The following UGT1A7 variants were observed in gnomAD, a reference collection of about 807,000 sequenced individuals.
UGT1A7 encodes the protein UDP glucuronosyltransferase family 1 member A7.
In UGT1A7, 33 loss-of-function variants were observed where a neutral mutation model predicts 45.6. That is an observed-to-expected ratio of 0.72 (90% CI 0.55 to 0.97). The LOEUF (loss-of-function observed/expected upper bound fraction) is 0.97, where lower values mean the gene tolerates loss of function less well. Ranked by LOEUF, UGT1A7 falls within the 50% of genes least tolerant of loss-of-function variation. The pLI is 0.00. For synonymous variants in UGT1A7, 274 were observed against 250.6 expected (o/e 1.09, Z -0.88); for missense variants, 684 against 666.2 (o/e 1.03, Z -0.29).
intron 1 of UGT1A7, among the ~76,000 whole-genome samples, chr2:233,737,003 G>A (rs560792837): frequency 9.8e-5 from 15 of 152,324 alleles, no homozygotes; most frequent in Middle Eastern, 3.4e-3. Context: ...TCAGGGACCC[G>A]CTTGAGGAGG....
chr2:233,699,610 G>T (rs2125579992), intron 1 of UGT1A7, among the ~76,000 whole-genome samples: 1 of 152,318 alleles, frequency 6.6e-6, no homozygotes, highest in South Asian at 2.1e-4. Context: ...TCTATAGAAA[G>T]GAATAGAATG....
At chr2:233,767,620 G>T (rs555830057) in intron 2 of UGT1A7, among the ~76,000 whole-genome samples, 1 of 152,270 alleles carries the variant, frequency 6.6e-6, no homozygotes, top group South Asian at 2.1e-4. Flanking sequence ...TAAGTGCACA[G>T]CTTGATAAAT....
chr2:233,707,853 G>A (rs2075991283), intron 1 of UGT1A7, among the ~76,000 whole-genome samples: 1 of 152,142 alleles, frequency 6.6e-6, no homozygotes, highest in Non-Finnish European at 1.5e-5. Context: ...ATTTTTCAGA[G>A]TGGTTGTACA....
intron 1 of UGT1A7, among the ~76,000 whole-genome samples, chr2:233,734,160 T>C (rs535251850): frequency 1.3e-5 from 2 of 152,268 alleles, no homozygotes; most frequent in Non-Finnish European, 2.9e-5. Context: ...GTCCTGGACT[T>C]TTTTTGGTTG....
Position 233,750,687 on chromosome 2 carries a change from G to T in UGT1A7, c.856-16347G>T, listed in dbSNP as rs1349099199. On this transcript the variant is annotated intron_variant, in intron 1 of 4. Coordinates refer to ENST00000373426, the MANE Select transcript of UGT1A7 (RefSeq NM_019077.3). The stretch of plus-strand genomic sequence containing the variant: ...CTGTGTCCCAGTGGCTCCAGCCATG[G>T]CTAAAAGAGGCCAAGGTAGAGCTCA... The T allele has an allele frequency of 2.6e-5, 4 of 151,974 alleles. No individual in the cohort carries two copies. In the South Asian group the frequency reaches 6.2e-4, roughly 24 times the overall value. 9.4% of individuals were successfully genotyped at this position (151,974 alleles called of 1,614,324 possible). A position where few individuals can be genotyped will look rare whatever the true frequency, so the allele number is the denominator to read the frequency against.
intron 1 of UGT1A7, among the ~76,000 whole-genome samples, chr2:233,737,122 TTGTC>T (rs1485045027): frequency 6.6e-6 from 1 of 152,146 alleles, no homozygotes; most frequent in Admixed American, 6.5e-5. Context: ...TGTTCAGAAG[TTGTC>T]TGCTGCCTTT....
chr2:233,694,012 A>T, intron 1 of UGT1A7: 1 of 1,424,192 alleles, frequency 7.0e-7, no homozygotes. Context: ...AGCAGCGGGA[A>T]CACATAGGAG....
At chr2:233,687,583 T>TAAAAAAAAAAAAAAAAAAAA in intron 1 of UGT1A7, among the ~76,000 whole-genome samples, 1 of 107,472 alleles carries the variant, frequency 9.3e-6, no homozygotes, top group Non-Finnish European at 1.9e-5. Context: ...ACATTCTTTG[T>TAAAAAAAAAAAAAAAAAAAA]AAAAAAAAAA....
chr2:233,752,857 TTG>T (rs1695078036), intron 1 of UGT1A7, among the ~76,000 whole-genome samples: 1 of 152,216 alleles, frequency 6.6e-6, no homozygotes, highest in Non-Finnish European at 1.5e-5. Flanking sequence ...AATTTGAACT[TTG>T]TGTTAGCTTT....
intron 1 of UGT1A7, among the ~76,000 whole-genome samples, chr2:233,757,535 A>AATATATATACATATATAT (rs376887521): frequency 1.2e-3 from 108 of 88,048 alleles, no homozygotes; most frequent in Non-Finnish European, 1.7e-3. Context: ...GCCTGTAAGG[A>AATATATATACATATATAT]ATATATATAT....
intron 1 of UGT1A7, chr2:233,713,436 G>A (rs773281887): frequency 2.0e-5 from 32 of 1,614,146 alleles, no homozygotes; most frequent in Non-Finnish European, 2.5e-5. Context: ...CTTTGATGTG[G>A]TTCTAACAGA....
chr2:233,718,603 T>G (rs2076667191), intron 1 of UGT1A7, among the ~76,000 whole-genome samples: 1 of 152,156 alleles, frequency 6.6e-6, no homozygotes, highest in Non-Finnish European at 1.5e-5. Flanking sequence ...TCAGATGAGC[T>G]TTTCAAGATA....
intron 1 of UGT1A7, among the ~76,000 whole-genome samples, chr2:233,753,965 T>C (rs1263394667): frequency 6.6e-6 from 1 of 152,232 alleles, no homozygotes; most frequent in East Asian, 1.9e-4. Flanking sequence ...ATTAAGAGAA[T>C]AACGTGTGTT....
At chr2:233,730,491 G>C (rs1414931155) in intron 1 of UGT1A7, among the ~76,000 whole-genome samples, 4 of 152,196 alleles carry the variant, frequency 2.6e-5, no homozygotes, top group African/African-American at 9.6e-5. Context: ...TGAAATAGAA[G>C]TGTCAGAGAG....
At chr2:233,712,435 A>T (rs1228007796) in intron 1 of UGT1A7, among the ~76,000 whole-genome samples, 6 of 152,204 alleles carry the variant, frequency 3.9e-5, no homozygotes, top group Admixed American at 3.9e-4. Flanking sequence ...TCCTGGTGTG[A>T]AAAACGACCA....
At chr2:233,705,835 G>A (rs1031136010) in intron 1 of UGT1A7, among the ~76,000 whole-genome samples, 34 of 152,260 alleles carry the variant, frequency 2.2e-4, no homozygotes, top group African/African-American at 7.7e-4. Flanking sequence ...CACAGTGGCT[G>A]GAGCTGAAGT....
At chr2:233,701,446 G>T (rs1417753251) in intron 1 of UGT1A7, among the ~76,000 whole-genome samples, 5 of 152,056 alleles carry the variant, frequency 3.3e-5, no homozygotes, top group Non-Finnish European at 7.4e-5. Context: ...GAGACAGAAA[G>T]TTAACAAGGA....
intron 1 of UGT1A7, among the ~76,000 whole-genome samples, chr2:233,703,256 A>G (rs1298861474): frequency 6.6e-6 from 1 of 152,138 alleles, no homozygotes; most frequent in Non-Finnish European, 1.5e-5. Context: ...GTGTTCCCTT[A>G]TAATACTTTC....
intron 1 of UGT1A7, chr2:233,747,247 C>A: frequency 6.2e-7 from 1 of 1,601,894 alleles, no homozygotes; most frequent in Non-Finnish European, 8.5e-7. Flanking sequence ...CCTGCTGTGG[C>A]TGGCCACAGG....
Sources: gnomAD v4.1 joint callset for allele counts (sites outside exome capture counted in the v4.1 genomes callset) on GRCh38, gnomAD v4.1.1 for gene constraint, MANE v1.5 for transcripts, NCBI Gene and HGNC (gene_info 2026-07-23, HGNC 2026-07-21) for gene names.